Variants in INPP4B observed in about 807,000 individuals in gnomAD.
The protein encoded by INPP4B is inositol polyphosphate-4-phosphatase type II B.
Under a neutral mutation model 122.5 loss-of-function variants are expected in INPP4B, and 55 were observed. The observed-to-expected ratio is 0.45, with a 90% CI of 0.36 to 0.56. INPP4B has a LOEUF of 0.56. Among genes scored for constraint, INPP4B ranks in the 20% least tolerant of loss-of-function variants. INPP4B has a pLI of 0.00. For synonymous variants in INPP4B, 403 were observed against 388.7 expected, an observed-to-expected ratio of 1.04 and a Z score of -0.43; for missense variants, 1,000 against 1,097.7, an observed-to-expected ratio of 0.91 and a Z score of 1.26.
chr4:142,428,814 A>G (rs1421411882), intron 5 of INPP4B, among the ~76,000 whole-genome samples: 1 of 152,022 alleles, frequency 6.6e-6, no homozygotes, highest in Non-Finnish European at 1.5e-5. Context: ...ACAAAGAGAA[A>G]TTATAGGTGG....
chr4:142,171,335 C>T (rs574636790), intron 16 of INPP4B, among the ~76,000 whole-genome samples: 58 of 151,824 alleles, frequency 3.8e-4, no homozygotes, highest in African/African-American at 1.4e-3. Context: ...ATGGATTAGT[C>T]CCTAAGAAAA....
intron 1 of INPP4B, among the ~76,000 whole-genome samples, chr4:142,812,781 A>T (rs1263134384): frequency 3.3e-5 from 5 of 152,294 alleles, no homozygotes. Flanking sequence ...AGACTCTAGG[A>T]TGATAGAATT....
At chr4:142,676,619 C>T (rs1757824569) in intron 2 of INPP4B, among the ~76,000 whole-genome samples, 1 of 152,108 alleles carries the variant, frequency 6.6e-6, no homozygotes, top group African/African-American at 2.4e-5. Context: ...ACAAAAACAG[C>T]ATGGTACTGG....
At chr4:142,133,506 T>C (rs1327300010) in intron 18 of INPP4B, among the ~76,000 whole-genome samples, 3 of 152,202 alleles carry the variant, frequency 2.0e-5, no homozygotes, top group Non-Finnish European at 4.4e-5. Flanking sequence ...ACCCTCTTCA[T>C]GTATAGTCTA....
chr4:142,318,976 T>C (rs1768948531), intron 7 of INPP4B, among the ~76,000 whole-genome samples: 1 of 152,310 alleles, frequency 6.6e-6, no homozygotes, highest in East Asian at 1.9e-4. Context: ...CTTGTTACAA[T>C]GAGCATGGGT....
intron 25 of INPP4B, among the ~76,000 whole-genome samples, chr4:142,034,595 G>A (rs925352751): frequency 6.6e-5 from 10 of 151,956 alleles, no homozygotes; most frequent in African/African-American, 2.4e-4. Flanking sequence ...GCACAGCCAG[G>A]CTCACCACTG....
chr4:142,472,517 T>C (rs1399952654), intron 2 of INPP4B, among the ~76,000 whole-genome samples: 3 of 152,182 alleles, frequency 2.0e-5, no homozygotes, highest in Admixed American at 6.5e-5. Flanking sequence ...AAAGAAAATA[T>C]ATTTCTGAAA....
At chr4:142,625,856 A>C (rs1418596353) in intron 2 of INPP4B, among the ~76,000 whole-genome samples, 1 of 152,198 alleles carries the variant, frequency 6.6e-6, no homozygotes, top group Non-Finnish European at 1.5e-5. Flanking sequence ...GATCTTTGAC[A>C]AACCTGACAA....
intron 19 of INPP4B, among the ~76,000 whole-genome samples, chr4:142,123,879 G>C (rs1164556663): frequency 6.6e-6 from 1 of 152,074 alleles, no homozygotes; most frequent in Non-Finnish European, 1.5e-5. Flanking sequence ...ATGAAATAGT[G>C]GGGGAAAGCG....
chr4:142,793,246 TA>T (rs951422423), intron 1 of INPP4B, among the ~76,000 whole-genome samples: 12 of 152,076 alleles, frequency 7.9e-5, no homozygotes, highest in Non-Finnish European at 1.5e-4. Context: ...AAACAATTAA[TA>T]AGGAACAAGT....
chr4:142,195,327 T>C (rs939592972), intron 14 of INPP4B, among the ~76,000 whole-genome samples: 1 of 152,190 alleles, frequency 6.6e-6, no homozygotes, highest in African/African-American at 2.4e-5. Flanking sequence ...AAGTTTTAGT[T>C]ATGCAAAATA....
intron 18 of INPP4B, among the ~76,000 whole-genome samples, chr4:142,130,263 T>A (rs11942184): frequency 0.01 from 1,575 of 152,162 alleles, 32 homozygotes; most frequent in African/African-American, 0.036. Flanking sequence ...GGTTTTGTAA[T>A]GACAAATCTA....
At chr4:142,370,429 T>C (rs547155726) in intron 7 of INPP4B, among the ~76,000 whole-genome samples, 166 of 152,280 alleles carry the variant, frequency 1.1e-3, no homozygotes, top group African/African-American at 3.9e-3. Flanking sequence ...GTCTACATAA[T>C]ATAATGCTAT....
intron 7 of INPP4B, among the ~76,000 whole-genome samples, chr4:142,354,027 C>T (rs1308333495): frequency 6.6e-6 from 1 of 151,866 alleles, no homozygotes; most frequent in Non-Finnish European, 1.5e-5. Context: ...TGACATAATG[C>T]CGTTCAAGGT....
intron 2 of INPP4B, among the ~76,000 whole-genome samples, chr4:142,655,044 C>A (rs1414079642): frequency 1.3e-5 from 2 of 152,122 alleles, no homozygotes; most frequent in Non-Finnish European, 2.9e-5. Context: ...ATTCTCACAG[C>A]AACAGTAAGA....
intron 2 of INPP4B, among the ~76,000 whole-genome samples, chr4:142,631,834 C>A (rs991810777): frequency 4.6e-5 from 7 of 152,052 alleles, no homozygotes; most frequent in Non-Finnish European, 8.8e-5. Flanking sequence ...ATACAATATT[C>A]TTCAAGAATG....
chr4:142,215,145 A>T (rs1846575535), intron 12 of INPP4B, among the ~76,000 whole-genome samples: 1 of 152,316 alleles, frequency 6.6e-6, no homozygotes, highest in Admixed American at 6.5e-5. Context: ...GAATAACCTG[A>T]AACCTCTTGT....
rs563458787 is a variant in INPP4B, at chr4:142,120,535, AGACT to A, written c.2135+1589_2135+1592del. 2.0e-4 allele frequency among the ~76,000 whole-genome samples: 30 copies of A among 152,244 alleles called. 1 individual carries two copies. The highest frequency in any genetic ancestry group is 5.8e-4 in the African/African-American group (24 of 41,570). On this transcript the variant is annotated intron_variant, in intron 21 of 25. Coordinates refer to ENST00000262992, the MANE Select transcript of INPP4B (RefSeq NM_001101669.3). ...TTTGTGTCTTCTGTGTACAACATTC[AGACT>A]AACTTTGTTAAGTTTATACCTATTC...
chr4:142,450,975 T>C (rs201177694), intron 3 of INPP4B, among the ~76,000 whole-genome samples: 5 of 146,224 alleles, frequency 3.4e-5, no homozygotes, highest in African/African-American at 2.6e-5. Flanking sequence ...TAAAATTAAC[T>C]CCCCCCCCCA....
Sources: allele counts gnomAD v4.1 joint callset (sites outside exome capture counted in the v4.1 genomes callset), GRCh38; gene constraint gnomAD v4.1.1; transcripts MANE v1.5; gene names NCBI Gene and HGNC (gene_info 2026-07-23, HGNC 2026-07-21).